The following PDE4D variants were observed in gnomAD, a reference collection of about 807,000 sequenced individuals.
PDE4D encodes phosphodiesterase 4D.
In PDE4D, 24 loss-of-function variants were observed where a neutral mutation model predicts 87.4. The ratio of observed to expected loss-of-function variants is 0.27; its 90% CI spans 0.20 to 0.39. PDE4D has a LOEUF of 0.39. PDE4D is among the 10% of genes least tolerant of loss of function. The pLI is 1.00. For synonymous variants in PDE4D, 384 were observed against 383.2 expected (o/e 1.00, Z -0.02); for missense variants, 714 against 1,041.0 (o/e 0.69, Z 4.32).
chr5:60,135,385 GTC>G (rs1426435851), intron 2 of PDE4D, among the ~76,000 whole-genome samples: 2 of 152,166 alleles, frequency 1.3e-5, no homozygotes, highest in African/African-American at 4.8e-5. Context: ...ATTGCCAGAT[GTC>G]TTTCTTTTCT....
At position 60,230,551 on chromosome 5, in the gene PDE4D, C is replaced by T. The variant is rs75121308; in HGVS notation, c.-89-44864G>A. The stretch of plus-strand genomic sequence containing the variant: ...CCAATGTAATTCATTCTTGTTTTGG[C>T]AAAAACAACTGTGGACTACTGATTT... On this transcript the variant is annotated intron_variant, in intron 1 of 16. Coordinates refer to the PDE4D transcript ENST00000502484. Among the ~76,000 whole-genome samples, 1,944 of 152,140 alleles carry T rather than the reference C, an allele frequency of 0.013. 66 individuals are homozygous for T. In the East Asian group the frequency reaches 0.13, roughly 10 times the overall value.
chr5:59,502,962 A>G (rs965302964), intron 1 of PDE4D, among the ~76,000 whole-genome samples: 8 of 147,426 alleles, frequency 5.4e-5, no homozygotes, highest in African/African-American at 1.8e-4. Flanking sequence ...TGAAGAGTTG[A>G]TCTCAATTTT....
chr5:60,240,020 T>C (rs767342808), intron 1 of PDE4D, among the ~76,000 whole-genome samples: 1 of 152,140 alleles, frequency 6.6e-6, no homozygotes, highest in Non-Finnish European at 1.5e-5. Context: ...ATTTCCAATA[T>C]ACTAGTAGCT....
rs570255294 is a variant in PDE4D at position 58,972,396 on chromosome 5, T to C, written c.*2268A>G. 6.9e-4 allele frequency: 105 copies of C among 152,736 alleles called. No homozygotes were observed. The highest frequency in any genetic ancestry group is 2.3e-3 in the African/African-American group (94 of 41,578). 9.5% of individuals were successfully genotyped at this position (152,736 alleles called of 1,614,324 possible). ...ACTAGTTGATTCCTCTTCTGCTTTATGTAAAAGATCAGAGTTATAAAGACA... is the reference window on the plus strand; with the variant it reads ...ACTAGTTGATTCCTCTTCTGCTTTACGTAAAAGATCAGAGTTATAAAGACA... On this transcript the variant is annotated 3_prime_UTR_variant, in exon 15 of 15. Coordinates refer to ENST00000340635, the MANE Select transcript of PDE4D (RefSeq NM_001104631.2).
At chr5:60,427,678 G>T (rs1302522413) in intron 1 of PDE4D, among the ~76,000 whole-genome samples, 1 of 152,174 alleles carries the variant, frequency 6.6e-6, no homozygotes, top group Non-Finnish European at 1.5e-5. Context: ...TTCTTTCTTA[G>T]AATTTCCTTA....
At chr5:60,463,024 G>A (rs111547685) in intron 1 of PDE4D, among the ~76,000 whole-genome samples, 232 of 152,294 alleles carry the variant, frequency 1.5e-3, no homozygotes, top group African/African-American at 5.3e-3. Context: ...AAGGAAACCC[G>A]TGAAACAAGA....
At chr5:59,083,347 G>A (rs1008577499) in intron 5 of PDE4D, among the ~76,000 whole-genome samples, 6 of 151,736 alleles carry the variant, frequency 4.0e-5, no homozygotes, top group African/African-American at 1.5e-4. Flanking sequence ...TCCTTGTTCG[G>A]TGTTGGATGA....
chr5:60,456,412 A>C (rs1288278422), intron 1 of PDE4D, among the ~76,000 whole-genome samples: 1 of 152,210 alleles, frequency 6.6e-6, no homozygotes, highest in East Asian at 1.9e-4. Flanking sequence ...TTAGCCAGGA[A>C]ATCTAATTAG....
At chr5:60,267,806 C>CT (rs1750373001) in intron 1 of PDE4D, among the ~76,000 whole-genome samples, 1 of 152,044 alleles carries the variant, frequency 6.6e-6, no homozygotes, top group South Asian at 2.1e-4. Flanking sequence ...TGTTTGCTGT[C>CT]TTTTTTGCAC....
At chr5:60,301,564 C>G (rs1753895195) in intron 1 of PDE4D, among the ~76,000 whole-genome samples, 2 of 152,146 alleles carry the variant, frequency 1.3e-5, no homozygotes, top group Admixed American at 6.5e-5. Flanking sequence ...GATTTTGTAT[C>G]CTGACTGCTG....
intron 1 of PDE4D, among the ~76,000 whole-genome samples, chr5:59,823,712 G>A (rs1769976916): frequency 6.6e-6 from 1 of 151,756 alleles, no homozygotes; most frequent in Non-Finnish European, 1.5e-5. Flanking sequence ...CTCCAAGTCT[G>A]CAAGTTCCTT....
chr5:59,481,253 T>C (rs1450694109), intron 1 of PDE4D, among the ~76,000 whole-genome samples: 1 of 152,060 alleles, frequency 6.6e-6, no homozygotes, highest in Non-Finnish European at 1.5e-5. Context: ...TAACTCTTTA[T>C]TGGATTTTAA....
At chr5:59,568,950 CATATAAGA>C (rs1210755993) in intron 1 of PDE4D, among the ~76,000 whole-genome samples, 1 of 152,010 alleles carries the variant, frequency 6.6e-6, no homozygotes, top group Non-Finnish European at 1.5e-5. Context: ...GTATCATACT[CATATAAGA>C]CTTTAATAAA....
intron 1 of PDE4D, among the ~76,000 whole-genome samples, chr5:60,518,540 G>A (rs137929794): frequency 6.6e-6 from 1 of 152,312 alleles, no homozygotes; most frequent in East Asian, 1.9e-4. Flanking sequence ...ATACTGAATT[G>A]TCAGCTTGAC....
chr5:59,516,104 C>G lies in PDE4D; in HGVS notation c.456-300136G>C, dbSNP rs111250731. 2.4e-3 allele frequency among the ~76,000 whole-genome samples: 360 copies of G among 152,182 alleles called. 1 individual carries two copies. The highest frequency in any genetic ancestry group is 3.4e-3 in the Non-Finnish European group (234 of 68,010). Reference sequence around the variant, plus strand: ...TGAAAACAATGACATTTTATATCATCTGGGACATTACTAGATGTAAAATAA... The same window carrying G: ...TGAAAACAATGACATTTTATATCATGTGGGACATTACTAGATGTAAAATAA... On this transcript the variant is annotated intron_variant, in intron 1 of 14. Transcript: ENST00000340635.
At chr5:60,308,857 A>G (rs548350982) in intron 1 of PDE4D, among the ~76,000 whole-genome samples, 2 of 152,274 alleles carry the variant, frequency 1.3e-5, no homozygotes, top group African/African-American at 2.4e-5. Context: ...TTTCCAGATA[A>G]CAAACTTGCC....
At chr5:59,472,459 T>G (rs944186133) in intron 1 of PDE4D, among the ~76,000 whole-genome samples, 1 of 152,324 alleles carries the variant, frequency 6.6e-6, no homozygotes, top group South Asian at 2.1e-4. Context: ...CCATTTCATT[T>G]GCTAACATTG....
intron 1 of PDE4D, among the ~76,000 whole-genome samples, chr5:59,424,475 C>T (rs1244727161): frequency 1.3e-5 from 2 of 152,130 alleles, no homozygotes; most frequent in Non-Finnish European, 2.9e-5. Flanking sequence ...GGTTAACTGA[C>T]TCACAGTTCC....
intron 6 of PDE4D, chr5:58,999,959 A>C: frequency 2.1e-6 from 2 of 969,168 alleles, no homozygotes; most frequent in Non-Finnish European, 2.5e-6. Flanking sequence ...GAGTGACAAG[A>C]AGCCCCTCCC....
Sources: allele counts gnomAD v4.1 joint callset (sites outside exome capture counted in the v4.1 genomes callset), GRCh38; gene constraint gnomAD v4.1.1; transcripts MANE v1.5; gene names NCBI Gene and HGNC (gene_info 2026-07-23, HGNC 2026-07-21).